C1orf167: variants seen among roughly 807,000 people sequenced by gnomAD.
The protein encoded by C1orf167 is uncharacterized protein C1orf167.
In C1orf167, 153 loss-of-function variants were observed where a neutral mutation model predicts 176.5. That is an observed-to-expected ratio of 0.87 (90% CI 0.76 to 0.99). The LOEUF (loss-of-function observed/expected upper bound fraction) is 0.99. C1orf167 is among the 50% of genes least tolerant of loss of function. C1orf167 has a pLI of 0.00. For synonymous variants in C1orf167, 594 were observed against 752.7 expected (o/e 0.79, Z 3.45); for missense variants, 1,490 against 1,817.7 (o/e 0.82, Z 3.28).
intron 2 of C1orf167, 107 bp downstream of exon 2, chr1:11,764,577 A>G: frequency 1.0e-6 from 1 of 953,132 alleles, no homozygotes; most frequent in Admixed American, 2.5e-5. Flanking sequence ...GGCCTGGCTA[A>G]TTCCAGAGAT....
chr1:11,765,338 G>A (rs540419680), intron 2 of C1orf167, among the ~76,000 whole-genome samples: 1 of 152,164 alleles, frequency 6.6e-6, no homozygotes, highest in African/African-American at 2.4e-5. Context: ...CTTGGGGGCT[G>A]GGGAGGAGCT....
intron 14 of C1orf167, among the ~76,000 whole-genome samples, chr1:11,783,011 T>C (rs1389277654): frequency 6.6e-6 from 1 of 151,970 alleles, no homozygotes; most frequent in African/African-American, 2.4e-5. Flanking sequence ...AATTCTGCTG[T>C]ACACTGTCGC....
At chr1:11,784,765 T>A (rs1156832760) in intron 15 of C1orf167, among the ~76,000 whole-genome samples, 172 bp downstream of exon 15, 1 of 152,166 alleles carries the variant, frequency 6.6e-6, no homozygotes, top group Non-Finnish European at 1.5e-5. Context: ...CTGGGCCACA[T>A]CCTGACACCG....
Position 11,785,405 on chromosome 1 carries a change from G to A in C1orf167, c.3567+116G>A, listed in dbSNP as rs1643814444. 2.7e-6 allele frequency: 3 copies of A among 1,092,306 alleles called. No homozygotes were observed. In the South Asian group the frequency reaches 5.3e-5, roughly 19 times the overall value. The allele number at this position is 1,092,306 out of a possible 1,614,324, so 67.7% of individuals were successfully genotyped here. On this transcript the variant is annotated intron_variant, in intron 16 of 20. Transcript: ENST00000688073. ...CAGGTGAAGGGAGCCTAGGCAGGGC[G>A]GGAGGTCCAAAAATGACCCTCGGAC...
At position 11,767,203 on chromosome 1, in the gene C1orf167, G is replaced by A. The variant is rs1168249657; in HGVS notation, c.1300-18G>A. 20 of 1,289,668 alleles carry A rather than the reference G, an allele frequency of 1.6e-5. No individual in the cohort carries two copies. The highest frequency in any genetic ancestry group is 4.6e-5 in the African/African-American group (3 of 65,924). The allele number at this position is 1,289,668 out of a possible 1,614,324, so 79.9% of individuals were successfully genotyped here. On this transcript the variant is annotated intron_variant, in intron 3 of 20. Coordinates refer to ENST00000688073, the MANE Select transcript of C1orf167 (RefSeq NM_001010881.2). ...CTGCTTGGCCTGAGAACTGTGTTAT[G>A]TACTCTTGCTTTCCCAGAACAAGGC...
rs1006552325 is a variant in C1orf167 at position 11,789,464 on chromosome 1, A to AAAAAC, written c.*20_*24dup. 7.7e-7 allele frequency: 1 copy of AAAAAC among 1,302,244 alleles called. No individual in the cohort carries two copies. Among genetic ancestry groups the AAAAAC allele is most frequent in the Non-Finnish European group, 1.0e-6 (1 of 988,188 alleles). 80.7% of individuals were successfully genotyped at this position (1,302,244 alleles called of 1,614,324 possible). ...AGCTGTGACTTGTTCTCATAGAATAAAAAACAGAACTGAACTTAGCCTTCC... is the reference window on the plus strand; with the variant it reads ...AGCTGTGACTTGTTCTCATAGAATAAAAAACAAAACAGAACTGAACTTAGCCTTCC... On this transcript the variant is annotated 3_prime_UTR_variant, in exon 21 of 21. Transcript: ENST00000688073.
chr1:11,772,374 C>G, intron 8 of C1orf167, 115 bp downstream of exon 8: 1 of 909,894 alleles, frequency 1.1e-6, no homozygotes, highest in Non-Finnish European at 1.5e-6. Flanking sequence ...AAGCAATCCT[C>G]CCACCTCAGC....
rs549710861 is a variant in C1orf167 at position 11,789,363 on chromosome 1, G to T, written c.4267G>T (p.Gly1423Cys). Residue 1423 changes from glycine to cysteine, a missense_variant, in exon 21 of 21, where the codon GGC becomes TGC. Transcript: ENST00000688073. ...PRPWSKPGPK[G>C]PESGQEAARA... ...ACCCTGGAGCAAGCCAGGCCCCAAG[G>T]GCCCCGAGAGTGGACAGGAAGCCGC... The T allele has an allele frequency of 7.7e-7, 1 of 1,304,116 alleles. No individual in the cohort carries two copies. Among genetic ancestry groups the T allele is most frequent in the Admixed American group, 2.3e-5 (1 of 43,574 alleles). 80.8% of individuals were successfully genotyped at this position (1,304,116 alleles called of 1,614,324 possible). A position where few individuals can be genotyped will look rare whatever the true frequency, so the allele number is the denominator to read the frequency against.
chr1:11,782,065 C>T, intron 13 of C1orf167, 124 bp from the exon 14 acceptor site: 1 of 873,172 alleles, frequency 1.1e-6, no homozygotes, highest in Non-Finnish European at 1.5e-6. Context: ...CTTTTTAACC[C>T]AGACAGTCAG....
At chr1:11,774,673 G>T (rs185390315) in intron 8 of C1orf167, among the ~76,000 whole-genome samples, 306 of 152,272 alleles carry the variant, frequency 2.0e-3, no homozygotes, top group African/African-American at 7.2e-3. Context: ...GGGGGCTGAG[G>T]GTAGTTGAAG....
chr1:11,771,031 A>ATGTGTG (rs58020814), intron 6 of C1orf167, among the ~76,000 whole-genome samples: 2,705 of 34,944 alleles, frequency 0.077, 199 homozygotes, highest in Middle Eastern at 0.12. Context: ...GTGTGTGTGT[A>ATGTGTG]TGTGTGTGTG....
chr1:11,769,541 C>G (rs1005730492), intron 6 of C1orf167, among the ~76,000 whole-genome samples: 1 of 152,070 alleles, frequency 6.6e-6, no homozygotes, highest in Non-Finnish European at 1.5e-5. Context: ...GCACTCCAGC[C>G]TGGGCAACAG....
Position 11,764,404 on chromosome 1 carries a change from G to A in C1orf167, c.4G>A (p.Glu2Lys), listed in dbSNP as rs1035599871. 1.6e-6 allele frequency: 2 copies of A among 1,289,292 alleles called. No individual in the cohort carries two copies. The highest frequency in any genetic ancestry group is 2.0e-6 in the Non-Finnish European group (2 of 988,876). 79.9% of individuals were successfully genotyped at this position (1,289,292 alleles called of 1,614,324 possible). Reference protein sequence around the residue: MELRSDASHKEN... With the variant: MKLRSDASHKEN... ...GGATACTCCTGTCCCTGAGCCCATG[G>A]AGCTAAGGTCTGATGCCAGCCACAA... The change falls in exon 2 of 21, where the codon GAG becomes AAG. Residue 2 changes from glutamate to lysine, a missense_variant. By Grantham distance (56) the Glu-to-Lys change is moderately conservative. Transcript: ENST00000688073.
In C1orf167 at chr1:11,789,525, G is replaced by A; in HGVS notation, c.*79G>A. 1.7e-6 allele frequency: 2 copies of A among 1,205,174 alleles called. No homozygotes were observed. Among genetic ancestry groups the A allele is most frequent in the South Asian group, 2.8e-5 (2 of 72,568 alleles). The allele number at this position is 1,205,174 out of a possible 1,614,324, so 74.7% of individuals were successfully genotyped here. Reference sequence around the variant, plus strand: ...ACCATGCCCCACACATCCAGGGAGTGATGACAGAGGGGACAGCTTGAAGAG... The same window carrying A: ...ACCATGCCCCACACATCCAGGGAGTAATGACAGAGGGGACAGCTTGAAGAG... On this transcript the variant is annotated 3_prime_UTR_variant, in exon 21 of 21. Coordinates refer to ENST00000688073, the MANE Select transcript of C1orf167 (RefSeq NM_001010881.2).
Position 11,768,122 on chromosome 1 carries a change from G to GA in C1orf167, c.1391dup (p.Arg465GlufsTer120), listed in dbSNP as rs1201309001. Reference sequence around the variant, plus strand: ...GTTTTCGATCCTGGAGGCACTTGGTGAAGAGGCAGCGGGAGCCAGCGGCGG... The same window carrying GA: ...GTTTTCGATCCTGGAGGCACTTGGTGAAAGAGGCAGCGGGAGCCAGCGGCGG... On this transcript the variant is annotated frameshift_variant, in exon 5 of 21. Coordinates refer to ENST00000688073, the MANE Select transcript of C1orf167 (RefSeq NM_001010881.2). LOFTEE classifies it high-confidence loss of function. The surrounding 1 kb of genome is among the most constrained non-coding windows in gnomAD (Gnocchi z 4.5). The GA allele has an allele frequency of 2.5e-5, 32 of 1,289,682 alleles. No individual in the cohort carries two copies. Among genetic ancestry groups the GA allele is most frequent in the Non-Finnish European group, 3.0e-5 (30 of 988,808 alleles). The allele number at this position is 1,289,682 out of a possible 1,614,324, so 79.9% of individuals were successfully genotyped here.
chr1:11,784,816 G>A lies in C1orf167; in HGVS notation c.3425+223G>A, dbSNP rs569782256. Among the ~76,000 whole-genome samples, 3 of 152,302 alleles carry A rather than the reference G, an allele frequency of 2.0e-5. No homozygotes were observed. In the East Asian group the frequency reaches 5.8e-4, roughly 29 times the overall value. ...CCCCTCCTTGGGGAAGTCTCTAATG[G>A]TCATGCCTTGCAGTCACCAGCACAG... On this transcript the variant is annotated intron_variant, in intron 15 of 20. Coordinates refer to ENST00000688073, the MANE Select transcript of C1orf167 (RefSeq NM_001010881.2).
At chr1:11,763,175 C>T (rs1315264407) in intron 1 of C1orf167, among the ~76,000 whole-genome samples, 1 of 152,162 alleles carries the variant, frequency 6.6e-6, no homozygotes, top group African/African-American at 2.4e-5. Flanking sequence ...TGTGGTGGCT[C>T]ACGCCTGTAA....
chr1:11,771,071 T>TATATATA (rs1643050943), intron 6 of C1orf167, among the ~76,000 whole-genome samples: 3 of 16,076 alleles, frequency 1.9e-4, no homozygotes, highest in African/African-American at 4.9e-4. Flanking sequence ...ATATATATAT[T>TATATATA]TTTTTTTTTT....
chr1:11,766,537 G>T lies in C1orf167; in HGVS notation c.751G>T (p.Ala251Ser). 1 of 1,249,800 alleles carries T rather than the reference G, an allele frequency of 8.0e-7. No homozygotes were observed. The highest frequency in any genetic ancestry group is 1.0e-6 in the Non-Finnish European group (1 of 967,810). The allele number at this position is 1,249,800 out of a possible 1,614,324, so 77.4% of individuals were successfully genotyped here. Reference sequence around the variant, plus strand: ...TTCTGTACATTGCCTGGCGCAGGAGGCAGCCCGACTCAGGTGCCAGGCTCC... The same window carrying T: ...TTCTGTACATTGCCTGGCGCAGGAGTCAGCCCGACTCAGGTGCCAGGCTCC... ...LASVHCLAQEAARLRCQAPQE... is the reference protein window; with the variant it reads ...LASVHCLAQESARLRCQAPQE... The change falls in exon 3 of 21, where the codon GCA (alanine) becomes TCA (serine). Residue 251 changes from alanine to serine, a missense_variant. By Grantham distance (99) the Ala-to-Ser change is moderately conservative. Transcript: ENST00000688073. This position sits in a 1 kb window ranked among gnomAD's most constrained non-coding sequence, Gnocchi z 4.5.
Sources: gnomAD v4.1 joint callset for allele counts (sites outside exome capture counted in the v4.1 genomes callset) on GRCh38, gnomAD v4.1.1 for gene constraint, Gnocchi (gnomAD v3.1) non-coding constraint, MANE v1.5 for transcripts, NCBI Gene and HGNC (gene_info 2026-07-23, HGNC 2026-07-21) for gene names.